PDHX: variants seen among roughly 807,000 people sequenced by gnomAD.
PDHX encodes the protein pyruvate dehydrogenase complex component X, also known as pyruvate dehydrogenase protein X component, mitochondrial.
PDHX carries 33 observed loss-of-function variants against 55.3 expected under a neutral mutation model. The observed-to-expected ratio is 0.60, with a 90% CI of 0.45 to 0.80. The LOEUF is 0.80. Among genes scored for constraint, PDHX ranks in the 30% least tolerant of loss-of-function variants. The probability of loss-of-function intolerance (pLI) is 0.00; values close to 1 mark genes in which losing one functional copy is unlikely to be tolerated. For missense variants in PDHX, 622 were observed against 619.9 expected, an observed-to-expected ratio of 1.00 and a Z score of -0.04; for synonymous variants, 226 against 219.4, an observed-to-expected ratio of 1.03 and a Z score of -0.27.
intron 5 of PDHX, among the ~76,000 whole-genome samples, chr11:34,964,535 C>T (rs1307166085): frequency 6.6e-6 from 1 of 151,954 alleles, no homozygotes; most frequent in Non-Finnish European, 1.5e-5. Flanking sequence ...ACCCTGGAGG[C>T]GGTGGTTGCA....
chr11:34,917,787 T>C (rs1853771790), intron 1 of PDHX, among the ~76,000 whole-genome samples: 2 of 152,190 alleles, frequency 1.3e-5, no homozygotes, highest in African/African-American at 4.8e-5. Context: ...GGTGTAATGT[T>C]TCATAACATA....
At chr11:34,916,527 CGGGGG>C (rs778548879), upstream of PDHX, 241 of 1,231,854 alleles carry the variant, frequency 2.0e-4, no homozygotes, top group African/African-American at 5.4e-3. Flanking sequence ...GGTTGGGGGG[CGGGGG>C]TTCAAGTCTG....
chr11:34,969,819 C>T (rs754885671), intron 6 of PDHX, among the ~76,000 whole-genome samples: 15 of 152,006 alleles, frequency 9.9e-5, no homozygotes, highest in Non-Finnish European at 7.4e-5. Context: ...ACAAACACAC[C>T]TGTGAAGGAA....
intron 2 of PDHX, among the ~76,000 whole-genome samples, chr11:34,944,844 A>G (rs1399353846): frequency 2.0e-5 from 3 of 152,054 alleles, no homozygotes; most frequent in Non-Finnish European, 4.4e-5. Context: ...TTTCATATCC[A>G]TTTTGATAAT....
At chr11:34,974,856 T>C (rs1478672483) in intron 7 of PDHX, among the ~76,000 whole-genome samples, 1 of 152,150 alleles carries the variant, frequency 6.6e-6, no homozygotes, top group Non-Finnish European at 1.5e-5. Flanking sequence ...TACAGTGAGC[T>C]ATAATTGCAC....
chr11:34,970,013 T>C, intron 6 of PDHX, 126 bp from the exon 7 acceptor site: 1 of 797,496 alleles, frequency 1.3e-6, no homozygotes, highest in Non-Finnish European at 2.1e-6. Flanking sequence ...TTTTCTTGTG[T>C]TAATCTTTAA....
intron 2 of PDHX, among the ~76,000 whole-genome samples, chr11:34,936,769 G>GTTTCTTTTCT (rs560296037): frequency 0.037 from 3,375 of 90,620 alleles, 275 homozygotes; most frequent in East Asian, 0.082. Flanking sequence ...ATAGGAAGTG[G>GTTTCTTTTCT]TTTCTTTTCT....
Position 34,951,836 on chromosome 11 carries a change from A to G in PDHX, c.342+4230A>G, listed in dbSNP as rs189648241. On this transcript the variant is annotated intron_variant, in intron 3 of 10. Transcript: ENST00000227868. ...TAGGGTTTTTATGGTTTTAGGTCTA[A>G]CGTTTAAGTCTTTAATCCACCTTGA... Among the ~76,000 whole-genome samples the G allele has an allele frequency of 4.1e-3, 627 of 152,298 alleles. 4 individuals are homozygous for G. The highest frequency in any genetic ancestry group is 0.014 in the African/African-American group (602 of 41,550).
intron 8 of PDHX, among the ~76,000 whole-genome samples, chr11:34,983,601 A>G (rs1444923224): frequency 6.6e-6 from 1 of 150,864 alleles, no homozygotes; most frequent in Admixed American, 6.6e-5. Flanking sequence ...TCAATGTGCA[A>G]AAATCACAAT....
chr11:34,949,406 AT>A (rs1854701214), intron 3 of PDHX, among the ~76,000 whole-genome samples: 1 of 152,092 alleles, frequency 6.6e-6, no homozygotes, highest in South Asian at 2.1e-4. Context: ...CACTCAGCTA[AT>A]TTTGTATTTT....
chr11:34,955,734 G>T (rs1198329180), intron 3 of PDHX, among the ~76,000 whole-genome samples: 8 of 152,108 alleles, frequency 5.3e-5, no homozygotes, highest in African/African-American at 1.9e-4. Flanking sequence ...GAAACAGAAG[G>T]TGAGGTACCA....
chr11:34,918,265 C>T lies in PDHX; in HGVS notation c.160+1450C>T, dbSNP rs555802465. ...CAGCCCGGGCAACAAAGTGAGACCC[C>T]CGTCTCTACTTAAAAAAAAAAAAAG... On this transcript the variant is annotated intron_variant, in intron 1 of 10. Transcript: ENST00000227868. Among the ~76,000 whole-genome samples the T allele has an allele frequency of 6.8e-5, 10 of 147,852 alleles. No individual in the cohort carries two copies. The South Asian group carries it at 2.3e-3, about 33-fold the overall frequency.
chr11:34,922,898 GTA>G (rs55851805), intron 1 of PDHX, among the ~76,000 whole-genome samples: 10,540 of 77,552 alleles, frequency 0.14, 394 homozygotes, highest in Middle Eastern at 0.27. Flanking sequence ...GTGTGTGTGT[GTA>G]TGTATTCTTT....
chr11:34,971,799 GTCC>G (rs1285131944), intron 7 of PDHX, among the ~76,000 whole-genome samples: 4 of 151,956 alleles, frequency 2.6e-5, no homozygotes, highest in Non-Finnish European at 2.9e-5. Flanking sequence ...TGGAAAACAT[GTCC>G]TCCTCCTTTA....
rs181166208 is a variant in PDHX at position 34,970,114 on chromosome 11, C to T, written c.817-25C>T. ...TTTTTCTATTCCACTTGTGGTTTAA[C>T]GGACAGGTTGCTGTCTTTTTGCAGG... is the stretch of plus-strand genomic sequence containing the variant. On this transcript the variant is annotated intron_variant, in intron 6 of 10. Coordinates refer to ENST00000227868, the MANE Select transcript of PDHX (RefSeq NM_003477.3). 59 of 1,608,166 alleles carry T rather than the reference C, an allele frequency of 3.7e-5. No individual in the cohort carries two copies. The East Asian group carries it at 1.1e-3, about 31-fold the overall frequency.
rs374629778 is a variant in PDHX, at chr11:34,957,576, A to G, written c.535A>G (p.Thr179Ala). The G allele has an allele frequency of 1.6e-5, 26 of 1,611,260 alleles. No individual in the cohort carries two copies. The East Asian group carries it at 3.1e-4, about 19-fold the overall frequency. ...IPVKKEHIPG[T>A]LRFRLSPAAR... Reference sequence around the variant, plus strand: ...TGTCAAGAAGGAACACATACCCGGGACACTACGGTGAGTATATATTTATTC... The same window carrying G: ...TGTCAAGAAGGAACACATACCCGGGGCACTACGGTGAGTATATATTTATTC... Residue 179 changes from threonine (T) to alanine (A), a missense_variant, in exon 4 of 11, where the codon ACA becomes GCA. Physicochemically the swap from Thr to Ala is moderately conservative, Grantham distance 58 (BLOSUM62 0). Transcript: ENST00000227868.
At chr11:34,990,633 C>CT (rs1448536775) in intron 9 of PDHX, among the ~76,000 whole-genome samples, 2 of 152,068 alleles carry the variant, frequency 1.3e-5, no homozygotes, top group Non-Finnish European at 2.9e-5. Flanking sequence ...AATTACATTG[C>CT]TTAAGGGAGG....
chr11:34,982,599 C>T (rs558847376), intron 8 of PDHX, among the ~76,000 whole-genome samples: 32 of 152,074 alleles, frequency 2.1e-4, no homozygotes, highest in Middle Eastern at 3.4e-3. Context: ...ATATCACCAC[C>T]GATCCCACAG....
chr11:34,983,201 AG>A (rs1422531475), intron 8 of PDHX, among the ~76,000 whole-genome samples: 2 of 152,184 alleles, frequency 1.3e-5, no homozygotes, highest in Non-Finnish European at 2.9e-5. Flanking sequence ...GATGCAGAAA[AG>A]GCCTTTGACA....
Sources: gnomAD v4.1 joint callset for allele counts (sites outside exome capture counted in the v4.1 genomes callset) on GRCh38, gnomAD v4.1.1 for gene constraint, MANE v1.5 for transcripts, NCBI Gene and HGNC (gene_info 2026-07-23, HGNC 2026-07-21) for gene names.